CYP19A1: variants seen among roughly 807,000 people sequenced by gnomAD.
The protein encoded by CYP19A1 is cytochrome P450 family 19 subfamily A member 1, also known as aromatase.
Under a neutral mutation model 44.4 loss-of-function variants are expected in CYP19A1, and 32 were observed. The ratio of observed to expected loss-of-function variants is 0.72; its 90% CI spans 0.54 to 0.97. The LOEUF (loss-of-function observed/expected upper bound fraction) is 0.97, where lower values mean the gene tolerates loss of function less well. Among genes scored for constraint, CYP19A1 ranks in the 50% least tolerant of loss-of-function variants. The probability of loss-of-function intolerance (pLI) is 0.00; values close to 1 mark genes in which losing one functional copy is unlikely to be tolerated. For missense variants in CYP19A1, 598 were observed against 637.8 expected (o/e 0.94, Z 0.67); for synonymous variants, 212 against 215.6 (o/e 0.98, Z 0.14).
chr15:51,270,731 C>A (rs2035092352), intron 1 of CYP19A1, among the ~76,000 whole-genome samples: 1 of 152,158 alleles, frequency 6.6e-6, no homozygotes, highest in African/African-American at 2.4e-5. Context: ...GAGGAAAGAC[C>A]AAAATCCATC....
intron 1 of CYP19A1, among the ~76,000 whole-genome samples, chr15:51,287,575 G>A (rs2035736648): frequency 6.6e-6 from 1 of 152,200 alleles, no homozygotes; most frequent in African/African-American, 2.4e-5. Context: ...CTCCCATGCA[G>A]GCTTTGTCTC....
intron 1 of CYP19A1, among the ~76,000 whole-genome samples, chr15:51,332,016 G>A (rs2036709940): frequency 6.6e-6 from 1 of 151,730 alleles, no homozygotes; most frequent in Admixed American, 6.6e-5. Context: ...AAATCTAATA[G>A]TCTCTTTTAA....
At chr15:51,323,619 GC>G (rs2036562471) in intron 1 of CYP19A1, among the ~76,000 whole-genome samples, 1 of 151,914 alleles carries the variant, frequency 6.6e-6, no homozygotes, top group Non-Finnish European at 1.5e-5. Context: ...ACATGAAAGT[GC>G]TTGCAAACTG....
intron 1 of CYP19A1, 21 bp from the exon 2 acceptor site, chr15:51,242,971 GA>G: frequency 8.0e-7 from 1 of 1,243,184 alleles, no homozygotes. Context: ...CAAAGGGACA[GA>G]AAAATTACAG....
chr15:51,306,917 G>A (rs895632746), intron 1 of CYP19A1, among the ~76,000 whole-genome samples: 5 of 152,170 alleles, frequency 3.3e-5, no homozygotes, highest in African/African-American at 1.2e-4. Flanking sequence ...AACTGAAAAG[G>A]CACGGGTAAA....
intron 1 of CYP19A1, among the ~76,000 whole-genome samples, chr15:51,328,547 G>GGTGTGTGTGTGTGTGT (rs56202041): frequency 1.4e-5 from 2 of 147,318 alleles, no homozygotes; most frequent in African/African-American, 2.5e-5. Context: ...ACAGGGCAGG[G>GGTGTGTGTGTGTGTGT]GTGTGTGTGT....
chr15:51,212,046 G>A (rs1202702339), intron 9 of CYP19A1, among the ~76,000 whole-genome samples: 1 of 152,142 alleles, frequency 6.6e-6, no homozygotes, highest in African/African-American at 2.4e-5. Context: ...CTTCATTTTA[G>A]CCAAATGAAG....
At chr15:51,223,890 C>T (rs1297769823) in intron 4 of CYP19A1, among the ~76,000 whole-genome samples, 1 of 152,152 alleles carries the variant, frequency 6.6e-6, no homozygotes. Flanking sequence ...TAGAATGTCA[C>T]TTGTGGTTTT....
At chr15:51,238,862 T>TACTACTGGTATAGAC (rs2033577077) in intron 2 of CYP19A1, among the ~76,000 whole-genome samples, 1 of 152,226 alleles carries the variant, frequency 6.6e-6, no homozygotes, top group African/African-American at 2.4e-5. Flanking sequence ...CTGGTATAGA[T>TACTACTGGTATAGAC]ACTACTGGTA....
intron 1 of CYP19A1, among the ~76,000 whole-genome samples, chr15:51,267,540 C>T (rs1459994797): frequency 6.6e-6 from 1 of 152,164 alleles, no homozygotes; most frequent in Non-Finnish European, 1.5e-5. Flanking sequence ...GCCGCCCCCA[C>T]GTCCGTGGCC....
intron 1 of CYP19A1, among the ~76,000 whole-genome samples, chr15:51,317,969 G>A (rs551186764): frequency 4.6e-5 from 7 of 152,138 alleles, no homozygotes; most frequent in Non-Finnish European, 1.0e-4. Flanking sequence ...CAGGGAACAC[G>A]ACTGTATCTC....
At chr15:51,232,925 G>A (rs1387514168) in intron 3 of CYP19A1, among the ~76,000 whole-genome samples, 3 of 152,186 alleles carry the variant, frequency 2.0e-5, no homozygotes, top group Admixed American at 6.5e-5. Flanking sequence ...GGTAAAAGCC[G>A]GAATTGTTAC....
In CYP19A1 at chr15:51,230,111, C is replaced by T. The variant is rs141905774; in HGVS notation, c.297-2178G>A. On this transcript the variant is annotated intron_variant, in intron 3 of 9. Transcript: ENST00000396402. Reference sequence around the variant, plus strand: ...ATAAAGCAAGGGATGTGTGACTGGCCACAGATGAGCAATTTAAAACAAGGT... The same window carrying T: ...ATAAAGCAAGGGATGTGTGACTGGCTACAGATGAGCAATTTAAAACAAGGT... Among the ~76,000 whole-genome samples the T allele has an allele frequency of 7.6e-3, 1,163 of 152,246 alleles. 8 individuals are homozygous for T. Among genetic ancestry groups the T allele is most frequent in the Non-Finnish European group, 0.013 (906 of 68,012 alleles).
intron 1 of CYP19A1, among the ~76,000 whole-genome samples, chr15:51,335,173 G>A (rs1230967728): frequency 1.3e-5 from 2 of 151,770 alleles, no homozygotes; most frequent in African/African-American, 2.4e-5. Flanking sequence ...GTGGGGTGGG[G>A]TGGGAGGGCA....
At chr15:51,327,878 AAT>A (rs1387563324) in intron 1 of CYP19A1, among the ~76,000 whole-genome samples, 2 of 148,226 alleles carry the variant, frequency 1.3e-5, no homozygotes, top group African/African-American at 5.2e-5. Flanking sequence ...CAAAATTCAT[AAT>A]ATAAAAAAAA....
In CYP19A1 at chr15:51,227,672, C is replaced by CAATAAATAAATAAATAAATAAATA. The variant is rs57921193; in HGVS notation, c.451+83_451+106dup. On this transcript the variant is annotated intron_variant, in intron 4 of 9. Transcript: ENST00000396402. Reference sequence around the variant, plus strand: ...TGGGTGATAGAGTCAGAGCCTGTCTCAATAAATAAATAAATAAATAAATAA... The same window carrying CAATAAATAAATAAATAAATAAATA: ...TGGGTGATAGAGTCAGAGCCTGTCTCAATAAATAAATAAATAAATAAATAAATAAATAAATAAATAAATAAATAA... The CAATAAATAAATAAATAAATAAATA allele has an allele frequency of 2.7e-3, 693 of 256,530 alleles. 4 individuals are homozygous for CAATAAATAAATAAATAAATAAATA. The highest frequency in any genetic ancestry group is 4.0e-3 in the Non-Finnish European group (561 of 140,090). 15.9% of individuals were successfully genotyped at this position (256,530 alleles called of 1,614,324 possible). A position where few individuals can be genotyped will look rare whatever the true frequency, so the allele number is the denominator to read the frequency against.
At position 51,230,947 on chromosome 15, in the gene CYP19A1, C is replaced by G. The variant is rs187342766; in HGVS notation, c.297-3014G>C. Among the ~76,000 whole-genome samples, 647 of 152,256 alleles carry G rather than the reference C, an allele frequency of 4.2e-3. 4 individuals carry two copies. The highest frequency in any genetic ancestry group is 7.8e-3 in the Non-Finnish European group (532 of 68,014). On this transcript the variant is annotated intron_variant, in intron 3 of 9. Transcript: ENST00000396402. ...GGTAACAAACATTTAAAAACACTTG[C>G]CTCATGTAGATCTGTTCCATCAATC...
intron 1 of CYP19A1, among the ~76,000 whole-genome samples, chr15:51,308,428 G>GT (rs75018944): frequency 0.024 from 3,705 of 152,134 alleles, 133 homozygotes; most frequent in East Asian, 0.14. Flanking sequence ...CATCATTTTA[G>GT]TTTTTTTTAA....
At chr15:51,255,828 G>C (rs1029457384) in intron 1 of CYP19A1, 1 of 152,160 alleles carries the variant, frequency 6.6e-6, no homozygotes, top group African/African-American at 2.4e-5. Context: ...AGCTTTTTAA[G>C]GATGGATAAA....
Sources: allele counts gnomAD v4.1 joint callset (sites outside exome capture counted in the v4.1 genomes callset), GRCh38; gene constraint gnomAD v4.1.1; transcripts MANE v1.5; gene names NCBI Gene and HGNC (gene_info 2026-07-23, HGNC 2026-07-21).